Variants in PDE10A observed in about 807,000 individuals in gnomAD.
PDE10A encodes the protein phosphodiesterase 10A, also known as cAMP and cAMP-inhibited cGMP 3',5'-cyclic phosphodiesterase 10A.
PDE10A carries 39 observed loss-of-function variants against 97.7 expected under a neutral mutation model. The observed-to-expected ratio is 0.40, with a 90% CI of 0.31 to 0.52. The LOEUF is 0.52. PDE10A is among the 20% of genes least tolerant of loss of function. The pLI, the probability that PDE10A is intolerant of heterozygous loss-of-function variation, is 0.56. For missense variants in PDE10A, 731 were observed against 1,047.8 expected (o/e 0.70, Z 4.17); for synonymous variants, 371 against 376.8 (o/e 0.98, Z 0.18).
chr6:165,934,152 C>CTTTTTT, intron 1 of PDE10A, among the ~76,000 whole-genome samples: 1 of 109,170 alleles, frequency 9.2e-6, no homozygotes, highest in Non-Finnish European at 1.8e-5. Flanking sequence ...CCTGGCTGAT[C>CTTTTTT]TTTTTTTTTT....
At chr6:165,973,683 C>T (rs537756781) in intron 1 of PDE10A, among the ~76,000 whole-genome samples, 13 of 152,314 alleles carry the variant, frequency 8.5e-5, no homozygotes, top group Admixed American at 6.5e-4. Context: ...AGCACCGCCG[C>T]GTGGGCCCCA....
chr6:165,748,962 A>G (rs1466964748), intron 1 of PDE10A, among the ~76,000 whole-genome samples: 1 of 152,156 alleles, frequency 6.6e-6, no homozygotes, highest in African/African-American at 2.4e-5. Context: ...TGAGCAAGTT[A>G]ACCCGTTTCA....
intron 1 of PDE10A, among the ~76,000 whole-genome samples, chr6:165,971,927 G>A (rs1463990736): frequency 6.6e-6 from 1 of 152,076 alleles, no homozygotes; most frequent in Non-Finnish European, 1.5e-5. Flanking sequence ...TGTACCCATG[G>A]CGTTGACTTG....
chr6:165,423,931 T>A (rs1379440638), intron 10 of PDE10A, among the ~76,000 whole-genome samples: 1 of 151,960 alleles, frequency 6.6e-6, no homozygotes, highest in African/African-American at 2.4e-5. Flanking sequence ...CTCAAAAAAG[T>A]CTAACCTCAT....
chr6:165,682,973 G>A (rs1791016822), intron 1 of PDE10A, among the ~76,000 whole-genome samples: 1 of 152,158 alleles, frequency 6.6e-6, no homozygotes, highest in Admixed American at 6.5e-5. Context: ...TGTTAAAATT[G>A]TCTGTTCATT....
intron 1 of PDE10A, among the ~76,000 whole-genome samples, chr6:165,653,959 C>T (rs1789813034): frequency 6.6e-6 from 1 of 152,102 alleles, no homozygotes; most frequent in African/African-American, 2.4e-5. Flanking sequence ...TTGAGCCTGG[C>T]GCCTCTGTCC....
At chr6:165,400,860 T>C (rs1177782545) in intron 13 of PDE10A, among the ~76,000 whole-genome samples, 1 of 152,190 alleles carries the variant, frequency 6.6e-6, no homozygotes, top group Non-Finnish European at 1.5e-5. Context: ...ATCCATACAA[T>C]AAACTACTAC....
chr6:165,812,239 T>G (rs1460389592), intron 1 of PDE10A, among the ~76,000 whole-genome samples: 1 of 152,246 alleles, frequency 6.6e-6, no homozygotes, highest in Admixed American at 6.5e-5. Context: ...CTTCTTACTG[T>G]CTATCCACTC....
chr6:165,967,183 A>G (rs1784534987), intron 1 of PDE10A, among the ~76,000 whole-genome samples: 1 of 152,200 alleles, frequency 6.6e-6, no homozygotes, highest in Non-Finnish European at 1.5e-5. Flanking sequence ...AGACAAAGGG[A>G]ATCTTGACTC....
chr6:165,681,196 T>A (rs756106146), intron 1 of PDE10A, among the ~76,000 whole-genome samples: 1 of 152,216 alleles, frequency 6.6e-6, no homozygotes, highest in African/African-American at 2.4e-5. Flanking sequence ...GCCTGTGTGG[T>A]ACGTATCAGC....
intron 3 of PDE10A, among the ~76,000 whole-genome samples, chr6:165,477,476 C>T (rs1243126856): frequency 6.6e-6 from 1 of 152,170 alleles, no homozygotes; most frequent in East Asian, 1.9e-4. Context: ...CTAGTTTGTC[C>T]TCGAGATATC....
At chr6:165,387,024 A>T (rs1193195039) in intron 17 of PDE10A, among the ~76,000 whole-genome samples, 1 of 152,098 alleles carries the variant, frequency 6.6e-6, no homozygotes, top group Non-Finnish European at 1.5e-5. Context: ...TCAAAAAAAA[A>T]ATTTCTATGT....
intron 1 of PDE10A, among the ~76,000 whole-genome samples, chr6:165,848,412 C>T (rs953367760): frequency 5.3e-5 from 8 of 152,278 alleles, no homozygotes; most frequent in South Asian, 2.1e-4. Context: ...CACTTTACGT[C>T]GGGCTGTTAG....
chr6:165,850,683 T>G lies in PDE10A; in HGVS notation c.-615+136846A>C, dbSNP rs986993612. 6.6e-5 allele frequency among the ~76,000 whole-genome samples: 10 copies of G among 152,296 alleles called. No homozygotes were observed. The East Asian group carries it at 1.9e-3, about 29-fold the overall frequency. ...TGGGAAGGCAGCGCTCAGACTTCCCTAAACTTCACAGAGGGCGTGAATGGT... is the reference window on the plus strand; with the variant it reads ...TGGGAAGGCAGCGCTCAGACTTCCCGAAACTTCACAGAGGGCGTGAATGGT... On this transcript the variant is annotated intron_variant, in intron 1 of 19. Coordinates refer to the PDE10A transcript ENST00000366882.
chr6:165,593,036 C>T (rs931416037), intron 1 of PDE10A, among the ~76,000 whole-genome samples: 4 of 152,178 alleles, frequency 2.6e-5, no homozygotes, highest in Admixed American at 2.6e-4. Flanking sequence ...ATAGCAAAGA[C>T]TTGGAACCAA....
chr6:165,579,983 C>T (rs1447614929), intron 1 of PDE10A, among the ~76,000 whole-genome samples: 1 of 152,168 alleles, frequency 6.6e-6, no homozygotes, highest in Non-Finnish European at 1.5e-5. Flanking sequence ...TCCTGACCCT[C>T]CTCACTCTGT....
At chr6:165,491,011 C>T (rs761843765) in intron 2 of PDE10A, among the ~76,000 whole-genome samples, 1 of 152,024 alleles carries the variant, frequency 6.6e-6, no homozygotes, top group Non-Finnish European at 1.5e-5. Context: ...AAGAGACTCA[C>T]CTGACTCATA....
At chr6:165,459,494 T>C (rs1210495516) in intron 3 of PDE10A, among the ~76,000 whole-genome samples, 2 of 34,736 alleles carry the variant, frequency 5.8e-5, no homozygotes, top group Admixed American at 2.9e-4. Context: ...ATGCATTAGA[T>C]AGATAGATAG....
chr6:165,586,636 A>G (rs1009866860), intron 1 of PDE10A, among the ~76,000 whole-genome samples: 10 of 152,202 alleles, frequency 6.6e-5, no homozygotes, highest in African/African-American at 2.2e-4. Context: ...ATATAGAAAT[A>G]ATATTCTAAA....
Sources: gnomAD v4.1 joint callset for allele counts (sites outside exome capture counted in the v4.1 genomes callset) on GRCh38, gnomAD v4.1.1 for gene constraint, MANE v1.5 for transcripts, NCBI Gene and HGNC (gene_info 2026-07-23, HGNC 2026-07-21) for gene names.